The following SSBP2 variants were observed in gnomAD, a reference collection of about 807,000 sequenced individuals.
The protein encoded by SSBP2 is single stranded DNA binding protein 2.
SSBP2 carries 17 observed loss-of-function variants against 61.8 expected under a neutral mutation model. That is an observed-to-expected ratio of 0.28 (90% confidence interval 0.19 to 0.41). The LOEUF (loss-of-function observed/expected upper bound fraction) is 0.41, where lower values mean the gene tolerates loss of function less well. Among genes scored for constraint, SSBP2 ranks in the 10% least tolerant of loss-of-function variants. The pLI, the probability that SSBP2 is intolerant of heterozygous loss-of-function variation, is 1.00. For missense variants in SSBP2, 310 were observed against 458.7 expected, an observed-to-expected ratio of 0.68 and a Z score of 2.96; for synonymous variants, 139 against 141.3, an observed-to-expected ratio of 0.98 and a Z score of 0.12.
chr5:81,720,048 T>C (rs1581416060), intron 1 of SSBP2, among the ~76,000 whole-genome samples: 2 of 151,718 alleles, frequency 1.3e-5, no homozygotes, highest in Admixed American at 1.3e-4. Flanking sequence ...CCTGGAGGAG[T>C]AGTCTGCCCG....
intron 10 of SSBP2, among the ~76,000 whole-genome samples, chr5:81,452,206 A>G (rs1763826303): frequency 6.6e-6 from 1 of 152,252 alleles, no homozygotes; most frequent in South Asian, 2.1e-4. Flanking sequence ...GCACAGTCAG[A>G]CTATGAATGA....
chr5:81,537,283 A>T (rs1208053610), intron 4 of SSBP2, among the ~76,000 whole-genome samples: 1 of 151,934 alleles, frequency 6.6e-6, no homozygotes, highest in Non-Finnish European at 1.5e-5. Context: ...TTTTCTTCTT[A>T]TGGGGGTGGA....
chr5:81,423,836 G>A (rs527691618), intron 16 of SSBP2, among the ~76,000 whole-genome samples: 2 of 152,084 alleles, frequency 1.3e-5, no homozygotes, highest in East Asian at 1.9e-4. Flanking sequence ...TATACTATAC[G>A]TTGTTAAGAG....
At chr5:81,431,517 T>C (rs547348853) in intron 15 of SSBP2, among the ~76,000 whole-genome samples, 3 of 152,150 alleles carry the variant, frequency 2.0e-5, no homozygotes, top group Middle Eastern at 6.8e-3. Flanking sequence ...AAACACAATT[T>C]CCTCTGGCTG....
chr5:81,597,640 A>G (rs1275892582), intron 4 of SSBP2, among the ~76,000 whole-genome samples: 1 of 152,202 alleles, frequency 6.6e-6, no homozygotes. Context: ...TGGATTAAGA[A>G]AATGTGGCAC....
intron 16 of SSBP2, among the ~76,000 whole-genome samples, chr5:81,421,554 G>T (rs775013324): frequency 6.6e-6 from 1 of 152,066 alleles, no homozygotes; most frequent in Non-Finnish European, 1.5e-5. Context: ...TGTTACATGC[G>T]GACTTGTCAG....
At chr5:81,664,682 G>A (rs778872821) in intron 1 of SSBP2, among the ~76,000 whole-genome samples, 2 of 152,026 alleles carry the variant, frequency 1.3e-5, no homozygotes, top group Non-Finnish European at 2.9e-5. Context: ...TAAACAATTC[G>A]TTCACACTGA....
intron 4 of SSBP2, among the ~76,000 whole-genome samples, chr5:81,538,818 C>G (rs1011518952): frequency 6.6e-6 from 1 of 152,096 alleles, no homozygotes; most frequent in Non-Finnish European, 1.5e-5. Flanking sequence ...TATTTGAAGC[C>G]CACTGTTGAG....
chr5:81,592,819 T>C (rs964968510), intron 4 of SSBP2, among the ~76,000 whole-genome samples: 2 of 152,026 alleles, frequency 1.3e-5, no homozygotes, highest in Non-Finnish European at 1.5e-5. Flanking sequence ...AGAAAGGACA[T>C]CCACACCAAA....
intron 4 of SSBP2, among the ~76,000 whole-genome samples, chr5:81,607,614 T>G (rs182460691): frequency 6.6e-6 from 1 of 152,312 alleles, no homozygotes; most frequent in Non-Finnish European, 1.5e-5. Flanking sequence ...AATCTAAGTT[T>G]CCAAAACTTC....
intron 4 of SSBP2, among the ~76,000 whole-genome samples, chr5:81,578,040 G>C (rs1774365420): frequency 6.6e-6 from 1 of 151,918 alleles, no homozygotes; most frequent in African/African-American, 2.4e-5. Context: ...ACTTGCCCAA[G>C]ATCAGGAGCT....
intron 4 of SSBP2, among the ~76,000 whole-genome samples, chr5:81,546,112 T>G (rs1219942202): frequency 2.0e-5 from 3 of 152,196 alleles, no homozygotes; most frequent in Non-Finnish European, 2.9e-5. Context: ...AATCACCTAC[T>G]GAGTGTTAGG....
intron 1 of SSBP2, among the ~76,000 whole-genome samples, chr5:81,732,713 T>C (rs1756348980): frequency 6.6e-6 from 1 of 152,228 alleles, no homozygotes; most frequent in South Asian, 2.1e-4. Flanking sequence ...GGGTGGGTCA[T>C]ACAGAAGAAA....
chr5:81,692,691 G>T (rs1243754062), intron 1 of SSBP2, among the ~76,000 whole-genome samples: 1 of 152,044 alleles, frequency 6.6e-6, no homozygotes, highest in Middle Eastern at 3.2e-3. Flanking sequence ...AGAGAACACA[G>T]AAACAAATCC....
At chr5:81,466,766 T>G (rs934148840) in intron 9 of SSBP2, among the ~76,000 whole-genome samples, 1 of 151,974 alleles carries the variant, frequency 6.6e-6, no homozygotes, top group African/African-American at 2.4e-5. Flanking sequence ...TAAGAGATTA[T>G]GTTGTGAAAA....
At chr5:81,581,670 T>C (rs1285388586) in intron 4 of SSBP2, among the ~76,000 whole-genome samples, 1 of 152,198 alleles carries the variant, frequency 6.6e-6, no homozygotes, top group East Asian at 1.9e-4. Context: ...ATAAAGTGTA[T>C]TTTATATTTT....
intron 1 of SSBP2, among the ~76,000 whole-genome samples, chr5:81,653,468 T>C (rs770741011): frequency 2.6e-5 from 4 of 152,220 alleles, no homozygotes; most frequent in Non-Finnish European, 4.4e-5. Context: ...TACTCAGTAA[T>C]GGGATTGCTG....
chr5:81,634,893 T>C (rs1298337289), intron 3 of SSBP2, among the ~76,000 whole-genome samples: 5 of 152,274 alleles, frequency 3.3e-5, no homozygotes, highest in Non-Finnish European at 5.9e-5. Context: ...GTATTTGGCA[T>C]GTGCCTATAT....
intron 4 of SSBP2, among the ~76,000 whole-genome samples, chr5:81,557,156 ATGT>A (rs1335516613): frequency 3.3e-5 from 5 of 152,278 alleles, no homozygotes; most frequent in South Asian, 2.1e-4. Context: ...TACTTTAAAG[ATGT>A]TGTTCCACTG....
Sources: allele counts gnomAD v4.1 joint callset (sites outside exome capture counted in the v4.1 genomes callset), GRCh38; gene constraint gnomAD v4.1.1; transcripts MANE v1.5; gene names NCBI Gene and HGNC (gene_info 2026-07-23, HGNC 2026-07-21).